Variants in CDK13 observed in about 807,000 individuals in gnomAD.
CDK13 encodes cyclin-dependent kinase 13.
CDK13 carries 40 observed loss-of-function variants against 137.6 expected under a neutral mutation model. The ratio of observed to expected loss-of-function variants is 0.29; its 90% CI spans 0.23 to 0.38. The LOEUF (loss-of-function observed/expected upper bound fraction) is 0.38, where lower values mean the gene tolerates loss of function less well. Ranked by LOEUF, CDK13 falls within the 10% of genes least tolerant of loss-of-function variation. The probability of loss-of-function intolerance (pLI) is 1.00; values close to 1 mark genes in which losing one functional copy is unlikely to be tolerated. For missense variants in CDK13, 1,704 were observed against 1,951.8 expected (o/e 0.87, Z 2.39); for synonymous variants, 869 against 760.1 (o/e 1.14, Z -2.36).
At chr7:40,018,841 C>T (rs571622330) in intron 5 of CDK13, among the ~76,000 whole-genome samples, 1 of 152,168 alleles carries the variant, frequency 6.6e-6, no homozygotes, top group East Asian at 1.9e-4. Flanking sequence ...CTATACAATT[C>T]ATCCATGTAA....
chr7:39,976,319 T>A (rs1343665129), intron 1 of CDK13, among the ~76,000 whole-genome samples: 566 of 54,148 alleles, frequency 0.01, 1 homozygote, highest in African/African-American at 0.015. Flanking sequence ...TCTCTCTCTC[T>A]CTCTCACACA....
At chr7:40,054,477 C>A (rs1169358318) in intron 7 of CDK13, among the ~76,000 whole-genome samples, 1 of 151,800 alleles carries the variant, frequency 6.6e-6, no homozygotes, top group African/African-American at 2.4e-5. Context: ...GTCTCCCAAG[C>A]TGGAGTGCAA....
chr7:39,985,329 C>T (rs1480237952), intron 1 of CDK13: 1 of 155,578 alleles, frequency 6.4e-6, no homozygotes, highest in Non-Finnish European at 1.4e-5. Flanking sequence ...CTGAATAGTA[C>T]TAGATTGTTT....
intron 5 of CDK13, among the ~76,000 whole-genome samples, chr7:40,027,189 C>T (rs1785261597): frequency 6.6e-6 from 1 of 152,102 alleles, no homozygotes; most frequent in Admixed American, 6.6e-5. Context: ...ACTAAAAATA[C>T]AGAACATTTG....
chr7:40,021,108 T>TCACACACAC (rs1785110259), intron 5 of CDK13, among the ~76,000 whole-genome samples: 1 of 72,470 alleles, frequency 1.4e-5, no homozygotes, highest in Non-Finnish European at 2.6e-5. Flanking sequence ...CAAACGTATA[T>TCACACACAC]ATATATATAT....
intron 2 of CDK13, among the ~76,000 whole-genome samples, chr7:39,996,981 A>AAG (rs1562719362): frequency 1.3e-5 from 2 of 150,348 alleles, no homozygotes; most frequent in African/African-American, 5.0e-5. Context: ...AAAAAAGAAA[A>AAG]AAAAAAAGAA....
At chr7:39,975,732 A>G (rs916255757) in intron 1 of CDK13, among the ~76,000 whole-genome samples, 1 of 152,208 alleles carries the variant, frequency 6.6e-6, no homozygotes, top group Non-Finnish European at 1.5e-5. Flanking sequence ...ACCTTCTGCA[A>G]AAGCAGAAAG....
chr7:40,078,816 C>A lies in CDK13; in HGVS notation c.2994C>A (p.Leu998=). The part of the protein sequence containing the change: ...TAEQALQCEF[L]RDVEPSKMPP... ...AACAGGCTCTTCAGTGCGAGTTCCTCCGAGATGTGGAACCCTCAAAAATGC... is the reference window on the plus strand; with the variant it reads ...AACAGGCTCTTCAGTGCGAGTTCCTACGAGATGTGGAACCCTCAAAAATGC... The change falls in exon 11 of 14, where the codon CTC becomes CTA. Residue 998 remains leucine (L), a synonymous_variant. Transcript: ENST00000181839. The A allele has an allele frequency of 6.7e-7, 1 of 1,501,854 alleles. No individual in the cohort carries two copies. The highest frequency in any genetic ancestry group is 1.4e-5 in the South Asian group (1 of 72,586). 93.0% of individuals were successfully genotyped at this position (1,501,854 alleles called of 1,614,324 possible).
chr7:40,045,335 T>A (rs1785710618), intron 5 of CDK13, among the ~76,000 whole-genome samples: 1 of 152,042 alleles, frequency 6.6e-6, no homozygotes, highest in East Asian at 1.9e-4. Context: ...TTCCTCAAAT[T>A]CTTGCTTTTA....
At chr7:40,085,350 G>A (rs887320074) in intron 11 of CDK13, among the ~76,000 whole-genome samples, 8 of 150,606 alleles carry the variant, frequency 5.3e-5, no homozygotes, top group South Asian at 4.2e-4. Flanking sequence ...GACAGAGCAC[G>A]AGAGCAAGAT....
intron 1 of CDK13, among the ~76,000 whole-genome samples, chr7:39,970,497 T>C (rs929280043): frequency 6.6e-6 from 1 of 151,594 alleles, no homozygotes; most frequent in Admixed American, 6.6e-5. Context: ...GTCTTACTTC[T>C]TCGTCTAGAC....
intron 1 of CDK13, among the ~76,000 whole-genome samples, chr7:39,971,473 T>C (rs1783997327): frequency 6.6e-6 from 1 of 152,000 alleles, no homozygotes; most frequent in Non-Finnish European, 1.5e-5. Context: ...GCCAAGATCT[T>C]GCCACTACAC....
At chr7:40,033,604 C>G (rs1313171268) in intron 5 of CDK13, among the ~76,000 whole-genome samples, 1 of 152,098 alleles carries the variant, frequency 6.6e-6, no homozygotes, top group Non-Finnish European at 1.5e-5. Flanking sequence ...AAAATTTCCT[C>G]TAGTGTTCAT....
intron 5 of CDK13, among the ~76,000 whole-genome samples, chr7:40,043,092 ATC>A (rs1025635378): frequency 1.0e-3 from 156 of 152,230 alleles, no homozygotes; most frequent in African/African-American, 3.5e-3. Flanking sequence ...TTTGCCTTTT[ATC>A]TCTCTTCCAT....
At chr7:39,972,315 AC>A (rs1366073360) in intron 1 of CDK13, among the ~76,000 whole-genome samples, 1 of 152,276 alleles carries the variant, frequency 6.6e-6, no homozygotes, top group Non-Finnish European at 1.5e-5. Flanking sequence ...TTTAAAAATA[AC>A]ATGTTTATTG....
At chr7:40,089,380 C>T (rs946794338) in intron 12 of CDK13, among the ~76,000 whole-genome samples, 13 of 148,218 alleles carry the variant, frequency 8.8e-5, no homozygotes, top group Non-Finnish European at 1.6e-4. Flanking sequence ...GCAGATGTTG[C>T]AGTGAGCCAA....
At chr7:39,990,955 G>A (rs1784442829) in intron 2 of CDK13, among the ~76,000 whole-genome samples, 2 of 152,196 alleles carry the variant, frequency 1.3e-5, no homozygotes, top group Admixed American at 6.5e-5. Flanking sequence ...GATTTACATT[G>A]TATAATATAT....
At chr7:40,066,505 TGTTA>T (rs1786281560) in intron 9 of CDK13, among the ~76,000 whole-genome samples, 2 of 152,214 alleles carry the variant, frequency 1.3e-5, no homozygotes, top group African/African-American at 4.8e-5. Context: ...AGGAGGTAGT[TGTTA>T]GTTTTCAATT....
intron 7 of CDK13, among the ~76,000 whole-genome samples, chr7:40,052,945 A>T (rs1387603738): frequency 6.6e-6 from 1 of 152,116 alleles, no homozygotes; most frequent in Non-Finnish European, 1.5e-5. Context: ...ACTAGACAAG[A>T]TTGGAACCAT....
Sources: gnomAD v4.1 joint callset for allele counts (sites outside exome capture counted in the v4.1 genomes callset) on GRCh38, gnomAD v4.1.1 for gene constraint, MANE v1.5 for transcripts, NCBI Gene and HGNC (gene_info 2026-07-23, HGNC 2026-07-21) for gene names.